GPC6: variants seen among roughly 807,000 people sequenced by gnomAD.
GPC6 encodes glypican-6.
GPC6 carries 14 observed loss-of-function variants against 55.2 expected under a neutral mutation model. The ratio of observed to expected loss-of-function variants is 0.25; its 90% CI spans 0.17 to 0.40. The LOEUF is 0.40. Ranked by LOEUF, GPC6 falls within the 10% of genes least tolerant of loss-of-function variation. The pLI, the probability that GPC6 is intolerant of heterozygous loss-of-function variation, is 1.00. For missense variants in GPC6, 641 were observed against 708.5 expected (o/e 0.90, Z 1.08); for synonymous variants, 278 against 259.6 (o/e 1.07, Z -0.68).
intron 4 of GPC6, among the ~76,000 whole-genome samples, chr13:94,267,323 GTGT>G (rs1322176644): frequency 5.3e-5 from 8 of 152,178 alleles, no homozygotes; most frequent in Non-Finnish European, 1.0e-4. Flanking sequence ...GTGTGGAATA[GTGT>G]TAGTAAATAC....
At chr13:93,782,550 AACATGT>A (rs1566532764) in intron 2 of GPC6, among the ~76,000 whole-genome samples, 2 of 152,144 alleles carry the variant, frequency 1.3e-5, no homozygotes, top group African/African-American at 4.8e-5. Context: ...ATTCCCACCC[AACATGT>A]ATAAGAATTC....
intron 1 of GPC6, among the ~76,000 whole-genome samples, chr13:93,233,566 A>G (rs1594043241): frequency 6.6e-6 from 1 of 152,324 alleles, no homozygotes; most frequent in South Asian, 2.1e-4. Context: ...ACCATTCACA[A>G]TGAATTAATT....
chr13:93,487,676 G>A (rs1879780190), intron 1 of GPC6, among the ~76,000 whole-genome samples: 1 of 152,140 alleles, frequency 6.6e-6, no homozygotes, highest in African/African-American at 2.4e-5. Flanking sequence ...TTGGAACACT[G>A]TGCTGTTCAG....
intron 4 of GPC6, among the ~76,000 whole-genome samples, chr13:94,074,793 A>G (rs1271478175): frequency 6.6e-6 from 1 of 152,198 alleles, no homozygotes; most frequent in African/African-American, 2.4e-5. Flanking sequence ...GACTGAAACA[A>G]AAGTTTTATC....
At chr13:94,363,650 G>A (rs905230876) in intron 6 of GPC6, among the ~76,000 whole-genome samples, 2 of 152,124 alleles carry the variant, frequency 1.3e-5, no homozygotes, top group Non-Finnish European at 2.9e-5. Context: ...CTCTCCTGAC[G>A]TGCTTAGGAA....
At chr13:93,459,391 T>A (rs1301428376) in intron 1 of GPC6, among the ~76,000 whole-genome samples, 2 of 152,230 alleles carry the variant, frequency 1.3e-5, no homozygotes, top group South Asian at 2.1e-4. Flanking sequence ...TAAGGAAAGA[T>A]CTGAGTTTTA....
chr13:93,942,010 C>T (rs1878761879), intron 3 of GPC6, among the ~76,000 whole-genome samples: 1 of 152,102 alleles, frequency 6.6e-6, no homozygotes, highest in South Asian at 2.1e-4. Context: ...TGCGTTGGTC[C>T]AGCCTTATGT....
intron 3 of GPC6, among the ~76,000 whole-genome samples, chr13:93,878,570 G>T (rs866859960): frequency 2.0e-5 from 3 of 152,188 alleles, no homozygotes; most frequent in Middle Eastern, 3.4e-3. Flanking sequence ...TAGAGATGGG[G>T]TTTCACCATG....
intron 1 of GPC6, among the ~76,000 whole-genome samples, chr13:93,335,966 C>T (rs1041637323): frequency 3.3e-5 from 5 of 152,176 alleles, no homozygotes; most frequent in South Asian, 2.1e-4. Flanking sequence ...GTGCCTTGCA[C>T]TTAATGTGTG....
In GPC6 at chr13:93,227,660, G is replaced by C; in HGVS notation, c.160+44G>C. 1 of 1,512,492 alleles carries C rather than the reference G, an allele frequency of 6.6e-7. No individual in the cohort carries two copies. Among genetic ancestry groups the C allele is most frequent in the South Asian group, 1.2e-5 (1 of 86,412 alleles). The allele number at this position is 1,512,492 out of a possible 1,614,324, so 93.7% of individuals were successfully genotyped here. ...CAGGGGCAGGCTGCAGCCCTCGGCTGCCGCACGTCCCACTGGCCGCCCGGC... is the reference window on the plus strand; with the variant it reads ...CAGGGGCAGGCTGCAGCCCTCGGCTCCCGCACGTCCCACTGGCCGCCCGGC... On this transcript the variant is annotated intron_variant, in intron 1 of 8. Coordinates refer to ENST00000377047, the MANE Select transcript of GPC6 (RefSeq NM_005708.5). The surrounding 1 kb of genome is among the most constrained non-coding windows in gnomAD (Gnocchi z 4.3).
At chr13:94,029,341 A>C (rs1319444628) in intron 4 of GPC6, among the ~76,000 whole-genome samples, 1 of 152,234 alleles carries the variant, frequency 6.6e-6, no homozygotes, top group African/African-American at 2.4e-5. Flanking sequence ...AAAATGAAGG[A>C]ATTTTTAAAA....
intron 4 of GPC6, among the ~76,000 whole-genome samples, chr13:94,241,064 A>G (rs1211918726): frequency 6.6e-6 from 1 of 152,164 alleles, no homozygotes. Context: ...AGATGTAATT[A>G]GGTTTAGATG....
At chr13:93,299,896 A>G (rs557359235) in intron 1 of GPC6, among the ~76,000 whole-genome samples, 1 of 152,338 alleles carries the variant, frequency 6.6e-6, no homozygotes, top group East Asian at 1.9e-4. Flanking sequence ...TACATATCCA[A>G]CAGCCTCTTA....
chr13:94,090,158 C>A (rs903181556), intron 4 of GPC6, among the ~76,000 whole-genome samples: 4 of 152,056 alleles, frequency 2.6e-5, no homozygotes, highest in Non-Finnish European at 5.9e-5. Context: ...AAAGGAGGAG[C>A]AAAGGCATGT....
intron 4 of GPC6, among the ~76,000 whole-genome samples, chr13:94,082,379 T>A (rs993057427): frequency 6.6e-6 from 1 of 152,184 alleles, no homozygotes; most frequent in African/African-American, 2.4e-5. Flanking sequence ...TGTGCGCTCA[T>A]GTTTTCAATC....
chr13:93,343,099 C>CT (rs1455759248), intron 1 of GPC6, among the ~76,000 whole-genome samples: 1 of 151,970 alleles, frequency 6.6e-6, no homozygotes, highest in African/African-American at 2.4e-5. Flanking sequence ...TTTGTTGTTC[C>CT]TTAGTAATGG....
At chr13:94,362,644 G>A (rs1879109978) in intron 6 of GPC6, among the ~76,000 whole-genome samples, 2 of 152,220 alleles carry the variant, frequency 1.3e-5, no homozygotes, top group Non-Finnish European at 2.9e-5. Flanking sequence ...CATCTTGAAG[G>A]AAAAGAGGGT....
intron 2 of GPC6, among the ~76,000 whole-genome samples, chr13:93,637,494 T>C (rs1015307613): frequency 6.6e-6 from 1 of 152,176 alleles, no homozygotes; most frequent in Non-Finnish European, 1.5e-5. Context: ...ACTTTTCTTT[T>C]CTTTTATACT....
At chr13:94,179,127 T>C (rs1336598469) in intron 4 of GPC6, among the ~76,000 whole-genome samples, 5 of 152,226 alleles carry the variant, frequency 3.3e-5, no homozygotes, top group Non-Finnish European at 4.4e-5. Context: ...AATGACCTTG[T>C]CCTGATCATG....
Sources: allele counts gnomAD v4.1 joint callset (sites outside exome capture counted in the v4.1 genomes callset), GRCh38; gene constraint gnomAD v4.1.1; non-coding constraint Gnocchi (gnomAD v3.1); transcripts MANE v1.5; gene names NCBI Gene and HGNC (gene_info 2026-07-23, HGNC 2026-07-21).